Variants in DSP observed in about 807,000 individuals in gnomAD.
The protein encoded by DSP is desmoplakin.
A neutral mutation model predicts 290.6 loss-of-function variants in DSP; 114 were observed. The observed-to-expected ratio is 0.39, with a 90% confidence interval of 0.34 to 0.46. The LOEUF is 0.46. DSP is among the 20% of genes least tolerant of loss of function. The pLI is 0.99. For missense variants in DSP, 3,230 were observed against 3,495.8 expected, an observed-to-expected ratio of 0.92 and a Z score of 1.92; for synonymous variants, 1,311 against 1,316.4, an observed-to-expected ratio of 1.00 and a Z score of 0.09.
chr6:7,559,436 G>A (rs747328762), intron 4 of DSP, 36 bp downstream of exon 4: 1 of 1,611,632 alleles, frequency 6.2e-7, no homozygotes, highest in Non-Finnish European at 8.5e-7. Context: ...ACCTGTGCAG[G>A]CCAGACGTTC....
chr6:7,564,280 A>G (rs1471780773), intron 6 of DSP, among the ~76,000 whole-genome samples: 1 of 152,252 alleles, frequency 6.6e-6, no homozygotes, highest in Non-Finnish European at 1.5e-5. Flanking sequence ...GGTCTACCAG[A>G]TCGTCATCAC....
chr6:7,550,343 C>G (rs946669969), intron 1 of DSP, among the ~76,000 whole-genome samples: 1 of 152,142 alleles, frequency 6.6e-6, no homozygotes, highest in Admixed American at 6.5e-5. Flanking sequence ...GCATGAGCCA[C>G]GGCACCCAAC....
chr6:7,560,955 CTT>C (rs3837025), intron 4 of DSP, among the ~76,000 whole-genome samples: 20,461 of 144,834 alleles, frequency 0.14, 1,513 homozygotes, highest in Non-Finnish European at 0.16. Flanking sequence ...ATGTCATTTT[CTT>C]TTTTTTTTTT....
intron 1 of DSP, among the ~76,000 whole-genome samples, chr6:7,543,393 CT>C (rs397886749): frequency 0.29 from 23,402 of 80,006 alleles, 1,875 homozygotes; most frequent in Middle Eastern, 0.37. Flanking sequence ...TCTATTTTCG[CT>C]TTTTTTTTTT....
chr6:7,556,128 T>C (rs146934784), intron 2 of DSP, among the ~76,000 whole-genome samples: 1 of 152,328 alleles, frequency 6.6e-6, no homozygotes, highest in African/African-American at 2.4e-5. Context: ...TACTTTCCCT[T>C]CTGAGAAATG....
Position 7,565,706 on chromosome 6 carries a change from C to G in DSP, c.939+186C>G, listed in dbSNP as rs1581799718. 5 of 705,982 alleles carry G rather than the reference C, an allele frequency of 7.1e-6. No individual in the cohort carries two copies. In the East Asian group the frequency reaches 1.4e-4, roughly 20 times the overall value. The allele number at this position is 705,982 out of a possible 1,614,324, so 43.7% of individuals were successfully genotyped here. A position where few individuals can be genotyped will look rare whatever the true frequency, so the allele number is the denominator to read the frequency against. Reference sequence around the variant, plus strand: ...TCCGTGTGGAGGCCATTATCCTTAGCAAACTTATGCGGGAACAGAAAACCA... The same window carrying G: ...TCCGTGTGGAGGCCATTATCCTTAGGAAACTTATGCGGGAACAGAAAACCA... On this transcript the variant is annotated intron_variant, in intron 7 of 23. Transcript: ENST00000379802. The surrounding 1 kb of genome is among the most constrained non-coding windows in gnomAD (Gnocchi z 4.2).
chr6:7,549,306 C>T (rs1312501360), intron 1 of DSP, among the ~76,000 whole-genome samples: 2 of 152,092 alleles, frequency 1.3e-5, no homozygotes, highest in African/African-American at 4.8e-5. Context: ...TGCGCCACCA[C>T]GCCAGGCTAA....
rs771641035 is a variant in DSP at position 7,583,670 on chromosome 6, C to T, written c.6408C>T (p.Asp2136=). 1.3e-5 allele frequency: 21 copies of T among 1,614,066 alleles called. No homozygotes were observed. The South Asian group carries it at 2.3e-4, about 18-fold the overall frequency. The change falls in exon 24 of 24, where the codon GAC becomes GAT. Residue 2136 remains aspartate (D), a synonymous_variant. Coordinates refer to ENST00000379802, the MANE Select transcript of DSP (RefSeq NM_004415.4). The surrounding 1 kb of genome is among the most constrained non-coding windows in gnomAD (Gnocchi z 4.0). ...EAQIASGGVV[D]PVNSVFLPKD... The stretch of plus-strand genomic sequence containing the variant: ...AGATTGCTTCAGGGGGTGTAGTAGA[C>T]CCTGTGAACAGTGTCTTTTTGCCAA...
At chr6:7,577,953 C>G in intron 21 of DSP, 67 bp downstream of exon 21, 1 of 1,275,464 alleles carries the variant, frequency 7.8e-7, no homozygotes, top group East Asian at 2.3e-5. Flanking sequence ...TTCCCTGTCT[C>G]CTGCCTCTTC....
Position 7,558,182 on chromosome 6 carries a change from G to A in DSP, c.340G>A (p.Ala114Thr), listed in dbSNP as rs751745906. The A allele has an allele frequency of 4.3e-6, 7 of 1,614,078 alleles. No homozygotes were observed. In the East Asian group the frequency reaches 1.3e-4, roughly 31 times the overall value. Residue 114 changes from alanine to threonine, a missense_variant, in exon 3 of 24, where the codon GCC becomes ACC. By Grantham distance (58) the Ala-to-Thr change is moderately conservative. This residue lies in a region of DSP where 646 missense variants were observed against 684.3 expected (regional missense o/e 0.94). Transcript: ENST00000379802. The stretch of plus-strand genomic sequence containing the variant: ...AGAATTGGATGAGTGTTTTGCCCAG[G>A]CCAATGACCAAATGGAAATCCTCGA... ...SRELDECFAQ[A>T]NDQMEILDSL... is the part of the protein sequence containing the mutation.
chr6:7,564,392 C>G (rs1195031525), intron 6 of DSP, among the ~76,000 whole-genome samples: 1 of 152,076 alleles, frequency 6.6e-6, no homozygotes, highest in Admixed American at 6.6e-5. Flanking sequence ...TTTAATGTTT[C>G]CTTGTTGGCA....
rs376005629 is a variant in DSP at position 7,585,114 on chromosome 6, C to T, written c.7852C>T (p.Pro2618Ser). The change falls in exon 24 of 24, where the codon CCC becomes TCC. Residue 2618 changes from proline to serine, a missense_variant. By Grantham distance (74) the Pro-to-Ser change is moderately conservative. This residue lies in a region of DSP where 582 missense variants were observed against 555.4 expected (regional missense o/e 1.05). Coordinates refer to ENST00000379802, the MANE Select transcript of DSP (RefSeq NM_004415.4). ...TTCAGACACCCTGGAAGAATCGAGC[C>T]CCATTGCAGCCATCTTTGACACAGA... ...SFSDTLEESS[P>S]IAAIFDTENL... The T allele has an allele frequency of 1.1e-5, 18 of 1,613,954 alleles. No individual in the cohort carries two copies. In the African/African-American group the frequency reaches 2.1e-4, roughly 19 times the overall value.
At position 7,585,424 on chromosome 6, in the gene DSP, A is replaced by G. The variant is rs1324438820; in HGVS notation, c.8162A>G (p.Glu2721Gly). 2 of 1,614,080 alleles carry G rather than the reference A, an allele frequency of 1.2e-6. No individual in the cohort carries two copies. Among genetic ancestry groups the G allele is most frequent in the Non-Finnish European group, 1.7e-6 (2 of 1,180,046 alleles). The change falls in exon 24 of 24, where the codon GAG becomes GGG. Residue 2721 changes from glutamate (E) to glycine (G), a missense_variant. Glu to Gly is a moderately conservative substitution (Grantham distance 98, BLOSUM62 -2). Around this residue, in one of 5 missense-constraint regions of DSP, gnomAD observed 582 missense variants for 555.4 expected, o/e 1.05. Coordinates refer to ENST00000379802, the MANE Select transcript of DSP (RefSeq NM_004415.4). ...GTGAAAGAAAAATGGCTCCCGTATGAGGCTGGCCAGCGCTTCCTGGAGTTC... is the reference window on the plus strand; with the variant it reads ...GTGAAAGAAAAATGGCTCCCGTATGGGGCTGGCCAGCGCTTCCTGGAGTTC... ...EAVKEKWLPY[E>G]AGQRFLEFQY...
rs150462564 is a variant in DSP at position 7,561,198 on chromosome 6, C to T, written c.598-1454C>T. On this transcript the variant is annotated intron_variant, in intron 4 of 23. Transcript: ENST00000379802. ...CGAACTCCTGACCTTGTGATCCGCC[C>T]GCCTTGGCCTCCCAAAGTATTGGGT... is the stretch of plus-strand genomic sequence containing the variant. Among the ~76,000 whole-genome samples the T allele has an allele frequency of 6.2e-4, 95 of 152,270 alleles. No individual in the cohort carries two copies. The East Asian group carries it at 0.012, about 19-fold the overall frequency.
intron 20 of DSP, 109 bp downstream of exon 20, chr6:7,577,151 G>T (rs1759266534): frequency 6.2e-6 from 5 of 812,650 alleles, no homozygotes; most frequent in Non-Finnish European, 1.9e-6. Flanking sequence ...AGCAATTACG[G>T]TCTGTATATA....
At chr6:7,548,322 A>C (rs1315491649) in intron 1 of DSP, among the ~76,000 whole-genome samples, 1 of 152,014 alleles carries the variant, frequency 6.6e-6, no homozygotes, top group South Asian at 2.1e-4. Flanking sequence ...AGCCTCCGCA[A>C]GTAAGAGCTA....
At chr6:7,568,342 CAG>C in intron 10 of DSP, 93 bp from the exon 11 acceptor site, 1 of 1,357,060 alleles carries the variant, frequency 7.4e-7, no homozygotes, top group Admixed American at 1.7e-5. Context: ...CAGTGATACT[CAG>C]TGTGTCATGT....
At chr6:7,549,863 T>A (rs1758281779) in intron 1 of DSP, among the ~76,000 whole-genome samples, 1 of 152,184 alleles carries the variant, frequency 6.6e-6, no homozygotes, top group Non-Finnish European at 1.5e-5. Context: ...ATGGTCCAAG[T>A]GTCTAATGAG....
rs1758824864 is a variant in DSP, at chr6:7,565,286, A to G, written c.778-73A>G. 1 of 1,586,308 alleles carries G rather than the reference A, an allele frequency of 6.3e-7. No homozygotes were observed. On this transcript the variant is annotated intron_variant, in intron 6 of 23. Coordinates refer to ENST00000379802, the MANE Select transcript of DSP (RefSeq NM_004415.4). The surrounding 1 kb of genome is among the most constrained non-coding windows in gnomAD (Gnocchi z 4.2). ...TTTTTTTAAAGGGACCACAGGTTTA[A>G]TCTTTAAACCTGCAGAGAACACCAG...
Sources: allele counts gnomAD v4.1 joint callset (sites outside exome capture counted in the v4.1 genomes callset), GRCh38; gene constraint gnomAD v4.1.1; regional missense constraint gnomAD v4.1.1; non-coding constraint Gnocchi (gnomAD v3.1); transcripts MANE v1.5; gene names NCBI Gene and HGNC (gene_info 2026-07-23, HGNC 2026-07-21).